The following KLHL36 variants were observed in gnomAD, a reference collection of about 807,000 sequenced individuals.
The protein encoded by KLHL36 is kelch-like protein 36.
Under a neutral mutation model 53.3 loss-of-function variants are expected in KLHL36, and 35 were observed. The observed-to-expected ratio is 0.66, with a 90% CI of 0.50 to 0.87. The LOEUF (loss-of-function observed/expected upper bound fraction) is 0.87. Ranked by LOEUF, KLHL36 falls within the 40% of genes least tolerant of loss-of-function variation. The probability of loss-of-function intolerance (pLI) is 0.00; values close to 1 mark genes in which losing one functional copy is unlikely to be tolerated. For synonymous variants in KLHL36, 472 were observed against 398.9 expected (o/e 1.18, Z -2.18); for missense variants, 864 against 897.6 (o/e 0.96, Z 0.48).
rs1024688752 is a variant in KLHL36 at position 84,653,848 on chromosome 16, A to C, written c.63+2918A>C. 4.6e-5 allele frequency among the ~76,000 whole-genome samples: 7 copies of C among 151,646 alleles called. No individual in the cohort carries two copies. The East Asian group carries it at 1.2e-3, about 25-fold the overall frequency. On this transcript the variant is annotated intron_variant, in intron 2 of 4. Transcript: ENST00000564996. ...GAGGGAGGCTCTGTATCCAAAAAAA[A>C]AAAAAAAAAAAGGGAACTCGTGTGC...
intron 2 of KLHL36, among the ~76,000 whole-genome samples, chr16:84,653,715 C>T (rs751532938): frequency 2.0e-5 from 3 of 151,880 alleles, no homozygotes; most frequent in Non-Finnish European, 1.5e-5. Context: ...TGGTACATGC[C>T]GGTAGTCCCA....
chr16:84,658,305 C>G (rs1296357697), intron 3 of KLHL36: 1 of 185,796 alleles, frequency 5.4e-6, no homozygotes. Context: ...TTTTATTTCA[C>G]TTTAACCGAT....
chr16:84,660,225 A>G (rs1488393628), intron 4 of KLHL36, among the ~76,000 whole-genome samples: 1 of 152,190 alleles, frequency 6.6e-6, no homozygotes. Flanking sequence ...GAGCTTGGGC[A>G]GGAGGAGTTC....
rs1760452516 is a variant in KLHL36, at chr16:84,661,772, C to G, written c.1490C>G (p.Ser497Cys). 6.2e-7 allele frequency: 1 copy of G among 1,613,090 alleles called. No individual in the cohort carries two copies. Among genetic ancestry groups the G allele is most frequent in the Non-Finnish European group, 8.5e-7 (1 of 1,179,524 alleles). ...TGCAGCCTGGGTGACAGCATCTACT[C>G]CATCGGGGGCAGCGATGACAACATC... The part of the protein sequence containing the change: ...SMCSLGDSIY[S>C]IGGSDDNIES... Residue 497 changes from serine (S) to cysteine (C), a missense_variant, in exon 5 of 5, where the codon TCC becomes TGC. Coordinates refer to ENST00000564996, the MANE Select transcript of KLHL36 (RefSeq NM_024731.4). The surrounding 1 kb of genome is among the most constrained non-coding windows in gnomAD (Gnocchi z 7.9).
chr16:84,662,724 GGTGAGTGA>G lies in KLHL36; in HGVS notation c.*600_*607del, dbSNP rs1202633346. 1 of 152,304 alleles carries G rather than the reference GGTGAGTGA, an allele frequency of 6.6e-6. No homozygotes were observed. The highest frequency in any genetic ancestry group is 1.5e-5 in the Non-Finnish European group (1 of 68,102). The allele number at this position is 152,304 out of a possible 1,614,324, so 9.4% of individuals were successfully genotyped here. A position where few individuals can be genotyped will look rare whatever the true frequency, so the allele number is the denominator to read the frequency against. On this transcript the variant is annotated 3_prime_UTR_variant, in exon 5 of 5. Transcript: ENST00000564996. ...TGAGTGCACAGAGACCACCCATGAG[GGTGAGTGA>G]GTGAGTGACCAGGGGCCACGCAGCT...
rs1437563285 is a variant in KLHL36, at chr16:84,661,673, T to C, written c.1391T>C (p.Leu464Pro). 1 of 1,613,370 alleles carries C rather than the reference T, an allele frequency of 6.2e-7. No individual in the cohort carries two copies. The highest frequency in any genetic ancestry group is 1.7e-5 in the Admixed American group (1 of 59,998). ...ATTGGCCCCTACCGCAAGAACCTGC[T>C]ATGCTACGACCACCGGACAGACGTG... Reference protein sequence around the residue: ...YQIGPYRKNLLCYDHRTDVWE... With the variant: ...YQIGPYRKNLPCYDHRTDVWE... Residue 464 changes from leucine (L) to proline (P), a missense_variant, in exon 5 of 5, where the codon CTA becomes CCA. Coordinates refer to ENST00000564996, the MANE Select transcript of KLHL36 (RefSeq NM_024731.4). This position sits in a 1 kb window ranked among gnomAD's most constrained non-coding sequence, Gnocchi z 7.9.
In KLHL36 at chr16:84,648,630, T is replaced by A. The variant is rs891349471; in HGVS notation, c.-36T>A. 2 of 146,680 alleles carry A rather than the reference T, an allele frequency of 1.4e-5. No homozygotes were observed. Among genetic ancestry groups the A allele is most frequent in the Admixed American group, 6.8e-5 (1 of 14,800 alleles). The allele number at this position is 146,680 out of a possible 1,614,324, so 9.1% of individuals were successfully genotyped here. ...CGCCGCCGGGGCTGTCCCCGCCGCG[T>A]CCGTAGCGCGTCCTGCCAGGTGGGC... On this transcript the variant is annotated 5_prime_UTR_variant, in exon 1 of 5. Coordinates refer to ENST00000564996, the MANE Select transcript of KLHL36 (RefSeq NM_024731.4). The surrounding 1 kb of genome is among the most constrained non-coding windows in gnomAD (Gnocchi z 4.9).
chr16:84,662,127 C>T lies in KLHL36; in HGVS notation c.1845C>T (p.Gly615=), dbSNP rs763602580. 9.1e-6 allele frequency: 14 copies of T among 1,536,880 alleles called. No homozygotes were observed. The highest frequency in any genetic ancestry group is 1.4e-5 in the African/African-American group (1 of 74,002). The part of the protein sequence containing the change: ...KGKGKRHQDR[G]Q ...AAGGCAAGAGGCACCAGGACCGGGG[C>T]CAGTGACCCTAGCTGCGCCTCTTGG... The change falls in exon 5 of 5, where the codon GGC becomes GGT. Residue 615 remains glycine (G), a synonymous_variant. Coordinates refer to ENST00000564996, the MANE Select transcript of KLHL36 (RefSeq NM_024731.4).
At position 84,657,662 on chromosome 16, in the gene KLHL36, C is replaced by G. The variant is rs141109556; in HGVS notation, c.855C>G (p.Thr285=). 1.3e-5 allele frequency: 21 copies of G among 1,612,382 alleles called. No individual in the cohort carries two copies. Among genetic ancestry groups the G allele is most frequent in the Non-Finnish European group, 1.8e-5 (21 of 1,179,640 alleles). ...TGGCGGCCCAGCCCGTCATGCAGAC[C>G]AAGCGCACGGCGCTGCGCACCAACC... ...NNLAAQPVMQ[T]KRTALRTNQE... Residue 285 remains threonine (T), a synonymous_variant, in exon 3 of 5, where the codon ACC becomes ACG. Coordinates refer to ENST00000564996, the MANE Select transcript of KLHL36 (RefSeq NM_024731.4).
Position 84,661,689 on chromosome 16 carries a change from G to C in KLHL36, c.1407G>C (p.Arg469=). 6.2e-7 allele frequency: 1 copy of C among 1,613,700 alleles called. No homozygotes were observed. The highest frequency in any genetic ancestry group is 8.5e-7 in the Non-Finnish European group (1 of 1,180,018). Residue 469 remains arginine, a synonymous_variant, in exon 5 of 5, where the codon CGG becomes CGC. Transcript: ENST00000564996. This position sits in a 1 kb window ranked among gnomAD's most constrained non-coding sequence, Gnocchi z 7.9. ...YRKNLLCYDH[R]TDVWEERRPM... ...AGAACCTGCTATGCTACGACCACCG[G>C]ACAGACGTGTGGGAGGAGCGGCGGC...
intron 2 of KLHL36, among the ~76,000 whole-genome samples, chr16:84,653,973 G>A (rs1907055084): frequency 6.6e-6 from 1 of 152,096 alleles, no homozygotes; most frequent in African/African-American, 2.4e-5. Context: ...CCCACTTAGA[G>A]CAGAAACCCA....
intron 2 of KLHL36, among the ~76,000 whole-genome samples, chr16:84,655,138 T>C (rs1479343246): frequency 6.6e-6 from 1 of 152,144 alleles, no homozygotes; most frequent in African/African-American, 2.4e-5. Context: ...TCCTCTGAAC[T>C]CAGAAGGAAA....
rs772433825 is a variant in KLHL36 at position 84,661,791 on chromosome 16, C to T, written c.1509C>T (p.Asp503=). 21 of 1,612,404 alleles carry T rather than the reference C, an allele frequency of 1.3e-5. No homozygotes were observed. Among genetic ancestry groups the T allele is most frequent in the Non-Finnish European group, 1.8e-5 (21 of 1,178,922 alleles). The change falls in exon 5 of 5, where the codon GAC becomes GAT. Residue 503 remains aspartate (D), a synonymous_variant. Coordinates refer to ENST00000564996, the MANE Select transcript of KLHL36 (RefSeq NM_024731.4). This position sits in a 1 kb window ranked among gnomAD's most constrained non-coding sequence, Gnocchi z 7.9. Reference sequence around the variant, plus strand: ...TCTACTCCATCGGGGGCAGCGATGACAACATCGAGTCCATGGAGCGCTTCG... The same window carrying T: ...TCTACTCCATCGGGGGCAGCGATGATAACATCGAGTCCATGGAGCGCTTCG... ...DSIYSIGGSD[D]NIESMERFDV...
chr16:84,657,573 C>T lies in KLHL36; in HGVS notation c.766C>T (p.Leu256=). The T allele has an allele frequency of 6.2e-7, 1 of 1,611,018 alleles. No homozygotes were observed. The highest frequency in any genetic ancestry group is 8.5e-7 in the Non-Finnish European group (1 of 1,179,876). Residue 256 remains leucine (L), a synonymous_variant, in exon 3 of 5, where the codon CTG becomes TTG. Transcript: ENST00000564996. ...CCGCGTCAAGCCGGCCGTGTGCTCG[C>T]TGCTGCCCAAGGAGGCCAACTGCGA... ...LHRVKPAVCS[L]LPKEANCEGF...
In KLHL36 at chr16:84,650,894, A is replaced by G; in HGVS notation, c.27A>G (p.Arg9=). 1 of 1,611,856 alleles carries G rather than the reference A, an allele frequency of 6.2e-7. No individual in the cohort carries two copies. Residue 9 remains arginine (R), a synonymous_variant, in exon 2 of 5, where the codon CGA becomes CGG. Coordinates refer to ENST00000564996, the MANE Select transcript of KLHL36 (RefSeq NM_024731.4). MMEGSRQT[R]VSRPYKISES... The stretch of plus-strand genomic sequence containing the variant: ...TGATGGAGGGAAGCAGGCAGACGCG[A>G]GTGTCTCGGCCATACAAGATCAGCG...
At chr16:84,656,644 A>T (rs1272965303) in intron 2 of KLHL36, among the ~76,000 whole-genome samples, 1 of 140,890 alleles carries the variant, frequency 7.1e-6, no homozygotes, top group South Asian at 2.3e-4. Flanking sequence ...AAAAAAAAAA[A>T]GAAAGAAAGA....
intron 2 of KLHL36, among the ~76,000 whole-genome samples, chr16:84,652,025 C>T (rs1414949790): frequency 6.6e-6 from 1 of 152,152 alleles, no homozygotes; most frequent in Non-Finnish European, 1.5e-5. Context: ...GATATGACCT[C>T]CTGTTCTCAC....
chr16:84,649,563 C>T (rs1906703911), intron 1 of KLHL36, among the ~76,000 whole-genome samples: 1 of 152,232 alleles, frequency 6.6e-6, no homozygotes, highest in South Asian at 2.1e-4. Context: ...TCTTCTCTTC[C>T]CTCTCTGGGC....
chr16:84,658,969 T>G (rs1363235738), intron 3 of KLHL36: 1 of 151,836 alleles, frequency 6.6e-6, no homozygotes, highest in Non-Finnish European at 1.5e-5. Context: ...TTGGATTCGT[T>G]TAAAAAAAGA....
Sources: gnomAD v4.1 joint callset for allele counts (sites outside exome capture counted in the v4.1 genomes callset) on GRCh38, gnomAD v4.1.1 for gene constraint, Gnocchi (gnomAD v3.1) non-coding constraint, MANE v1.5 for transcripts, NCBI Gene and HGNC (gene_info 2026-07-23, HGNC 2026-07-21) for gene names.